Variants in RMND5A observed in about 807,000 individuals in gnomAD.
RMND5A encodes the protein E3 ubiquitin-protein transferase RMND5A.
In RMND5A, 17 loss-of-function variants were observed where a neutral mutation model predicts 49.7. The observed-to-expected ratio is 0.34, with a 90% confidence interval of 0.23 to 0.51. The LOEUF (loss-of-function observed/expected upper bound fraction) is 0.51, where lower values mean the gene tolerates loss of function less well. Ranked by LOEUF, RMND5A falls within the 20% of genes least tolerant of loss-of-function variation. The pLI, the probability that RMND5A is intolerant of heterozygous loss-of-function variation, is 0.96. For missense variants in RMND5A, 255 were observed against 471.3 expected, an observed-to-expected ratio of 0.54 and a Z score of 4.25; for synonymous variants, 156 against 167.7, an observed-to-expected ratio of 0.93 and a Z score of 0.54.
At chr2:86,764,302 C>A (rs1468114338) in intron 4 of RMND5A, among the ~76,000 whole-genome samples, 2 of 152,130 alleles carry the variant, frequency 1.3e-5, no homozygotes, top group African/African-American at 4.8e-5. Flanking sequence ...TGCCTTATTG[C>A]AAAATTTGAT....
Position 86,751,892 on chromosome 2 carries a change from C to A in RMND5A, c.286-4C>A. The A allele has an allele frequency of 6.2e-7, 1 of 1,608,908 alleles. No homozygotes were observed. Among genetic ancestry groups the A allele is most frequent in the Non-Finnish European group, 8.5e-7 (1 of 1,177,096 alleles). Reference sequence around the variant, plus strand: ...ATGATTCCCTTTCTCTTTCTTTTCCCCAGAATTTTGATTCTGACATTAGCA... The same window carrying A: ...ATGATTCCCTTTCTCTTTCTTTTCCACAGAATTTTGATTCTGACATTAGCA... On this transcript the variant is annotated splice_region_variant and splice_polypyrimidine_tract_variant and intron_variant, in intron 2 of 8. Transcript: ENST00000283632.
intron 5 of RMND5A, 59 bp downstream of exon 5, chr2:86,765,252 C>T: frequency 1.5e-6 from 2 of 1,332,988 alleles, no homozygotes; most frequent in East Asian, 2.4e-5. Flanking sequence ...ACCACTGTAA[C>T]TTAACAGTTC....
intron 2 of RMND5A, among the ~76,000 whole-genome samples, chr2:86,747,787 T>G (rs984205860): frequency 3.9e-5 from 6 of 152,150 alleles, no homozygotes; most frequent in African/African-American, 1.4e-4. Context: ...TCCGACTGAT[T>G]TGTGTATTCA....
At position 86,776,073 on chromosome 2, in the gene RMND5A, C is replaced by T. The variant is rs1226239372; in HGVS notation, c.*2662C>T. The T allele has an allele frequency of 2.0e-5, 3 of 152,176 alleles. No homozygotes were observed. The highest frequency in any genetic ancestry group is 1.3e-4 in the Admixed American group (2 of 15,280). The allele number at this position is 152,176 out of a possible 1,614,324, so 9.4% of individuals were successfully genotyped here. On this transcript the variant is annotated 3_prime_UTR_variant, in exon 9 of 9. Transcript: ENST00000283632. ...ATGGTTTCTTAAATTTCCTTGGGAA[C>T]CGTTTCCACATATCAGTTATAGACA...
In RMND5A at chr2:86,734,790, T is replaced by C. The variant is rs1198996445; in HGVS notation, c.143-6137T>C. Among the ~76,000 whole-genome samples, 3 of 149,568 alleles carry C rather than the reference T, an allele frequency of 2.0e-5. No individual in the cohort carries two copies. In the East Asian group the frequency reaches 5.8e-4, roughly 29 times the overall value. On this transcript the variant is annotated intron_variant, in intron 1 of 8. Transcript: ENST00000283632. ...TTTTTGTATTTTTCCTACCTTGTTG[T>C]CTGCTGGTTGTAGAAATAAATGTGT...
intron 7 of RMND5A, 72 bp downstream of exon 7, chr2:86,770,197 C>T (rs1672665703): frequency 4.7e-6 from 5 of 1,072,228 alleles, no homozygotes; most frequent in Non-Finnish European, 7.3e-6. Context: ...AAATGTTCAT[C>T]TTACCTTTTA....
chr2:86,772,304 A>C (rs1382291020), intron 8 of RMND5A, among the ~76,000 whole-genome samples: 1 of 151,928 alleles, frequency 6.6e-6, no homozygotes, highest in Admixed American at 6.5e-5. Flanking sequence ...AAAAACAAAA[A>C]ATTAGCCGGG....
chr2:86,766,661 C>CAAAAAAAAAAAAA (rs59511898), intron 6 of RMND5A, among the ~76,000 whole-genome samples: 64 of 76,598 alleles, frequency 8.4e-4, no homozygotes, highest in Non-Finnish European at 1.0e-3. Context: ...GAGACTGTCT[C>CAAAAAAAAAAAAA]AAAAAAAAAA....
intron 1 of RMND5A, among the ~76,000 whole-genome samples, chr2:86,728,215 A>G (rs537073163): frequency 3.5e-5 from 3 of 85,884 alleles, no homozygotes; most frequent in African/African-American, 8.6e-5. Context: ...AATTGAGAAG[A>G]TGAATCTGTA....
Position 86,773,369 on chromosome 2 carries a change from A to G in RMND5A, c.1134A>G (p.Pro378=), listed in dbSNP as rs747709396. The G allele has an allele frequency of 3.1e-6, 5 of 1,608,554 alleles. No individual in the cohort carries two copies. Among genetic ancestry groups the G allele is most frequent in the Non-Finnish European group, 4.3e-6 (5 of 1,175,038 alleles). Residue 378 remains proline, a synonymous_variant, in exon 9 of 9, where the codon CCA becomes CCG. Coordinates refer to ENST00000283632, the MANE Select transcript of RMND5A (RefSeq NM_022780.4). Reference sequence around the variant, plus strand: ...TTAGATTAAAATGTCCCTACTGTCCAATGGAACAAAGTCCAGGAGATGCCA... The same window carrying G: ...TTAGATTAAAATGTCCCTACTGTCCGATGGAACAAAGTCCAGGAGATGCCA... The part of the protein sequence containing the change: ...NGSKLKCPYC[P]MEQSPGDAKQ...
Position 86,774,246 on chromosome 2 carries a change from CCCT to C in RMND5A, c.*836_*838del, listed in dbSNP as rs1672729222. On this transcript the variant is annotated 3_prime_UTR_variant, in exon 9 of 9. Coordinates refer to ENST00000283632, the MANE Select transcript of RMND5A (RefSeq NM_022780.4). The stretch of plus-strand genomic sequence containing the variant: ...ATATTTACTCTCTTGGTCTTGGTAG[CCCT>C]ATTATATCATTGCAGACACAGTGTT... The C allele has an allele frequency of 6.6e-6, 1 of 152,508 alleles. No individual in the cohort carries two copies. Among genetic ancestry groups the C allele is most frequent in the South Asian group, 2.1e-4 (1 of 4,812 alleles). The allele number at this position is 152,508 out of a possible 1,614,324, so 9.4% of individuals were successfully genotyped here.
At position 86,775,563 on chromosome 2, in the gene RMND5A, G is replaced by A. The variant is rs1169497028; in HGVS notation, c.*2152G>A. ...CAGCTTTATCCCTCTCCCAGTGCTGGGAGCCAAAAAACTGTTGACGGTTTT... is the reference window on the plus strand; with the variant it reads ...CAGCTTTATCCCTCTCCCAGTGCTGAGAGCCAAAAAACTGTTGACGGTTTT... On this transcript the variant is annotated 3_prime_UTR_variant, in exon 9 of 9. Coordinates refer to ENST00000283632, the MANE Select transcript of RMND5A (RefSeq NM_022780.4). 1 of 151,674 alleles carries A rather than the reference G, an allele frequency of 6.6e-6. No individual in the cohort carries two copies. Among genetic ancestry groups the A allele is most frequent in the Non-Finnish European group, 1.5e-5 (1 of 67,924 alleles). The allele number at this position is 151,674 out of a possible 1,614,324, so 9.4% of individuals were successfully genotyped here. A position where few individuals can be genotyped will look rare whatever the true frequency, so the allele number is the denominator to read the frequency against.
rs746061852 is a variant in RMND5A at position 86,775,043 on chromosome 2, C to T, written c.*1632C>T. 7.2e-5 allele frequency: 11 copies of T among 152,686 alleles called. No individual in the cohort carries two copies. The highest frequency in any genetic ancestry group is 2.6e-4 in the Admixed American group (4 of 15,268). 9.5% of individuals were successfully genotyped at this position (152,686 alleles called of 1,614,324 possible). The stretch of plus-strand genomic sequence containing the variant: ...GCTACTCCGTGCTGTGCGGCTTCAC[C>T]AGCGGTTGGGATTGGCCCAGCTTGG... On this transcript the variant is annotated 3_prime_UTR_variant, in exon 9 of 9. Transcript: ENST00000283632.
chr2:86,746,964 T>A (rs1404450331), intron 2 of RMND5A, among the ~76,000 whole-genome samples: 2 of 152,250 alleles, frequency 1.3e-5, no homozygotes, highest in African/African-American at 4.8e-5. Context: ...AAATGCTGAT[T>A]ATGACACACT....
intron 4 of RMND5A, among the ~76,000 whole-genome samples, chr2:86,756,441 C>A (rs1428476785): frequency 6.6e-6 from 1 of 152,104 alleles, no homozygotes; most frequent in East Asian, 1.9e-4. Flanking sequence ...TAAAGAAACT[C>A]ATTTAACTTG....
chr2:86,754,335 T>A (rs1169843604), intron 4 of RMND5A, among the ~76,000 whole-genome samples: 1 of 152,230 alleles, frequency 6.6e-6, no homozygotes, highest in East Asian at 1.9e-4. Flanking sequence ...CCAGGTTATT[T>A]GTAATAAATA....
At chr2:86,721,609 G>GC (rs1558717419) in intron 1 of RMND5A, among the ~76,000 whole-genome samples, 1 of 146,126 alleles carries the variant, frequency 6.8e-6, no homozygotes, top group Non-Finnish European at 1.5e-5. Flanking sequence ...CACCTAGATT[G>GC]TTTTTTTTTT....
Position 86,720,613 on chromosome 2 carries a change from G to T in RMND5A, c.-55G>T. ...AGGACGCGGCCTCGGTGGGGCCCGG[G>T]CCGAACGGCTGCGGACACCTGGGCG... On this transcript the variant is annotated 5_prime_UTR_variant, in exon 1 of 9. Transcript: ENST00000283632. The T allele has an allele frequency of 1.4e-6, 2 of 1,472,592 alleles. No homozygotes were observed. Among genetic ancestry groups the T allele is most frequent in the Middle Eastern group, 4.9e-4 (2 of 4,076 alleles). 91.2% of individuals were successfully genotyped at this position (1,472,592 alleles called of 1,614,324 possible). A position where few individuals can be genotyped will look rare whatever the true frequency, so the allele number is the denominator to read the frequency against.
chr2:86,769,988 G>C (rs771278435), intron 6 of RMND5A, 35 bp from the exon 7 acceptor site: 1 of 1,533,022 alleles, frequency 6.5e-7, no homozygotes, highest in Non-Finnish European at 9.0e-7. Flanking sequence ...CTGACCCCTG[G>C]CCTGGCACTG....
Sources: gnomAD v4.1 joint callset for allele counts (sites outside exome capture counted in the v4.1 genomes callset) on GRCh38, gnomAD v4.1.1 for gene constraint, MANE v1.5 for transcripts, NCBI Gene and HGNC (gene_info 2026-07-23, HGNC 2026-07-21) for gene names.